The following LCP2 variants were observed in gnomAD, a reference collection of about 807,000 sequenced individuals.
The protein encoded by LCP2 is lymphocyte cytosolic protein 2.
A neutral mutation model predicts 74.5 loss-of-function variants in LCP2; 29 were observed. The observed-to-expected ratio is 0.39, with a 90% CI of 0.29 to 0.53. The LOEUF (loss-of-function observed/expected upper bound fraction) is 0.53. Ranked by LOEUF, LCP2 falls within the 20% of genes least tolerant of loss-of-function variation. The pLI, the probability that LCP2 is intolerant of heterozygous loss-of-function variation, is 0.72. For synonymous variants in LCP2, 228 were observed against 229.5 expected (o/e 0.99, Z 0.06); for missense variants, 604 against 634.6 (o/e 0.95, Z 0.52).
In LCP2 at chr5:170,250,398, C is replaced by T. The variant is rs550485863; in HGVS notation, c.1479+332G>A. On this transcript the variant is annotated intron_variant, in intron 20 of 20. Transcript: ENST00000046794. ...TGGTGTCAACTTAAAATGCAGCCTA[C>T]GTTAAAATTATGCCACAGAGGTGAA... Among the ~76,000 whole-genome samples, 31 of 152,244 alleles carry T rather than the reference C, an allele frequency of 2.0e-4. 1 individual carries two copies. Among genetic ancestry groups the T allele is most frequent in the Middle Eastern group, 3.4e-3 (1 of 294 alleles).
At chr5:170,282,358 A>G (rs1762119661) in intron 3 of LCP2, among the ~76,000 whole-genome samples, 1 of 152,214 alleles carries the variant, frequency 6.6e-6, no homozygotes, top group Non-Finnish European at 1.5e-5. Flanking sequence ...GAACGCCTGT[A>G]AGTATCCAGG....
chr5:170,286,911 C>A (rs1399944005), intron 3 of LCP2, among the ~76,000 whole-genome samples: 1 of 152,222 alleles, frequency 6.6e-6, no homozygotes, highest in Non-Finnish European at 1.5e-5. Context: ...AGAACTCAAA[C>A]TGGTAACACA....
At chr5:170,293,111 T>C (rs1762317340) in intron 2 of LCP2, among the ~76,000 whole-genome samples, 199 bp downstream of exon 2, 2 of 152,086 alleles carry the variant, frequency 1.3e-5, no homozygotes, top group African/African-American at 4.8e-5. Context: ...CTCCTTAAGG[T>C]GTAAGTGGAA....
chr5:170,266,507 A>G (rs925329886), intron 10 of LCP2, among the ~76,000 whole-genome samples: 3 of 152,244 alleles, frequency 2.0e-5, no homozygotes, highest in African/African-American at 7.2e-5. Context: ...ATTTGTATAC[A>G]CAGATCATCC....
At chr5:170,296,169 T>G (rs1762379696) in intron 1 of LCP2, among the ~76,000 whole-genome samples, 1 of 152,212 alleles carries the variant, frequency 6.6e-6, no homozygotes, top group Admixed American at 6.5e-5. Flanking sequence ...TTGCCCTATC[T>G]TATTTGGTCT....
intron 8 of LCP2, 70 bp downstream of exon 8, chr5:170,268,314 AT>A: frequency 4.0e-6 from 1 of 251,814 alleles, no homozygotes. Context: ...TTATAGTTTT[AT>A]TTTTCTCTCT....
intron 10 of LCP2, among the ~76,000 whole-genome samples, chr5:170,264,054 A>C (rs77431447): frequency 0.021 from 3,127 of 152,324 alleles, 118 homozygotes; most frequent in African/African-American, 0.071. Flanking sequence ...AACCAGTTTC[A>C]TCTAGTAGTT....
At chr5:170,262,346 T>C (rs539615368) in intron 13 of LCP2, among the ~76,000 whole-genome samples, 104 of 152,170 alleles carry the variant, frequency 6.8e-4, no homozygotes, top group Non-Finnish European at 1.4e-3. Flanking sequence ...ATAACGAGGT[T>C]GGAAAACTCA....
At chr5:170,290,868 A>C (rs1762275619) in intron 2 of LCP2, among the ~76,000 whole-genome samples, 1 of 152,082 alleles carries the variant, frequency 6.6e-6, no homozygotes, top group South Asian at 2.1e-4. Flanking sequence ...AGCTTCTACC[A>C]GATAAGGATC....
chr5:170,297,025 T>C (rs1175104469), intron 1 of LCP2, among the ~76,000 whole-genome samples: 1 of 152,210 alleles, frequency 6.6e-6, no homozygotes, highest in Non-Finnish European at 1.5e-5. Flanking sequence ...TTCTTTCTCC[T>C]GCCTCCAGGA....
At chr5:170,279,034 C>A (rs76694790) in intron 3 of LCP2, among the ~76,000 whole-genome samples, 121 of 152,252 alleles carry the variant, frequency 7.9e-4, no homozygotes, top group African/African-American at 2.8e-3. Flanking sequence ...TACACCCTAC[C>A]CCCAGAGGAC....
intron 7 of LCP2, among the ~76,000 whole-genome samples, chr5:170,270,326 C>T (rs889126160): frequency 6.6e-6 from 1 of 152,198 alleles, no homozygotes; most frequent in Admixed American, 6.5e-5. Flanking sequence ...TGCCATGTAA[C>T]TATAATTTGG....
At chr5:170,261,540 T>C (rs892665439) in intron 13 of LCP2, among the ~76,000 whole-genome samples, 1 of 152,228 alleles carries the variant, frequency 6.6e-6, no homozygotes, top group Admixed American at 6.5e-5. Context: ...TACTGAGCTG[T>C]TGTTTTTCCC....
In LCP2 at chr5:170,256,039, G is replaced by T. The variant is rs1185464079; in HGVS notation, c.1150+487C>A. 1.3e-5 allele frequency among the ~76,000 whole-genome samples: 2 copies of T among 152,218 alleles called. No homozygotes were observed. Among genetic ancestry groups the T allele is most frequent in the Non-Finnish European group, 2.9e-5 (2 of 68,044 alleles). ...AGATTGATCATGGAAATCTAAAACTGCAGAGAAAGGCAAACAGGATTCTGA... is the reference window on the plus strand; with the variant it reads ...AGATTGATCATGGAAATCTAAAACTTCAGAGAAAGGCAAACAGGATTCTGA... On this transcript the variant is annotated intron_variant, in intron 17 of 20. Coordinates refer to ENST00000046794, the MANE Select transcript of LCP2 (RefSeq NM_005565.5). The surrounding 1 kb of genome is among the most constrained non-coding windows in gnomAD (Gnocchi z 4.5).
intron 3 of LCP2, among the ~76,000 whole-genome samples, chr5:170,283,037 T>C (rs2113202744): frequency 6.6e-6 from 1 of 152,318 alleles, no homozygotes; most frequent in South Asian, 2.1e-4. Flanking sequence ...TGGTCCTTGT[T>C]ATACATTTCT....
At chr5:170,290,011 A>G (rs1431235034) in intron 2 of LCP2, among the ~76,000 whole-genome samples, 1 of 152,062 alleles carries the variant, frequency 6.6e-6, no homozygotes, top group Non-Finnish European at 1.5e-5. Context: ...GACACAGAGG[A>G]GCAGGGTGTC....
intron 7 of LCP2, among the ~76,000 whole-genome samples, chr5:170,269,620 A>G (rs894846773): frequency 1.4e-4 from 21 of 152,234 alleles, no homozygotes; most frequent in African/African-American, 4.6e-4. Flanking sequence ...TTAATATCAC[A>G]GCTTAAAGAT....
intron 3 of LCP2, among the ~76,000 whole-genome samples, chr5:170,287,236 A>G (rs956627401): frequency 5.3e-5 from 8 of 152,102 alleles, no homozygotes; most frequent in African/African-American, 1.9e-4. Context: ...TATAATGGAG[A>G]ACTATTTCTT....
intron 3 of LCP2, 68 bp downstream of exon 3, chr5:170,287,902 C>T (rs1762211074): frequency 7.1e-7 from 1 of 1,416,520 alleles, no homozygotes; most frequent in Non-Finnish European, 1.0e-6. Flanking sequence ...TGACCCAGCC[C>T]CCACTCACAC....
Sources: gnomAD v4.1 joint callset for allele counts (sites outside exome capture counted in the v4.1 genomes callset) on GRCh38, gnomAD v4.1.1 for gene constraint, Gnocchi (gnomAD v3.1) non-coding constraint, MANE v1.5 for transcripts, NCBI Gene and HGNC (gene_info 2026-07-23, HGNC 2026-07-21) for gene names.